PRMT3: variants seen among roughly 807,000 people sequenced by gnomAD.
PRMT3 encodes protein arginine N-methyltransferase 3.
PRMT3 carries 62 observed loss-of-function variants against 71.9 expected under a neutral mutation model. The ratio of observed to expected loss-of-function variants is 0.86; its 90% CI spans 0.70 to 1.07. PRMT3 has a LOEUF of 1.07. PRMT3 is among the 50% of genes least tolerant of loss of function. The pLI is 0.00. For synonymous variants in PRMT3, 213 were observed against 220.4 expected, an observed-to-expected ratio of 0.97 and a Z score of 0.30; for missense variants, 663 against 643.0, an observed-to-expected ratio of 1.03 and a Z score of -0.34.
chr11:20,432,188 A>T (rs77000069), intron 10 of PRMT3, among the ~76,000 whole-genome samples: 4,724 of 152,230 alleles, frequency 0.031, 246 homozygotes, highest in African/African-American at 0.11. Flanking sequence ...GTTATTCAGG[A>T]ACATGAATCA....
intron 7 of PRMT3, among the ~76,000 whole-genome samples, chr11:20,402,079 TA>T (rs1266120531): frequency 6.6e-6 from 1 of 152,146 alleles, no homozygotes; most frequent in African/African-American, 2.4e-5. Flanking sequence ...CTGCAATGTT[TA>T]CATTTATTTA....
rs1184403705 is a variant in PRMT3 at position 20,506,841 on chromosome 11, TAAAATAAATGAA to T, written c.1487-1459_1487-1448del. Among the ~76,000 whole-genome samples, 26 of 152,304 alleles carry T rather than the reference TAAAATAAATGAA, an allele frequency of 1.7e-4. No individual in the cohort carries two copies. In the East Asian group the frequency reaches 5.0e-3, roughly 29 times the overall value. ...ATTTGTTACTTTTTAAACAGCTCTTTAAAATAAATGAAAAATTAAATGAGAAGTATTTATAAT... is the reference window on the plus strand; with the variant it reads ...ATTTGTTACTTTTTAAACAGCTCTTTAAATTAAATGAGAAGTATTTATAAT... On this transcript the variant is annotated intron_variant, in intron 15 of 15. Transcript: ENST00000331079.
chr11:20,471,218 A>G (rs1202334435), intron 13 of PRMT3, among the ~76,000 whole-genome samples: 1 of 151,996 alleles, frequency 6.6e-6, no homozygotes. Context: ...CTCTTTGTTT[A>G]ATTAGACCCC....
intron 9 of PRMT3, among the ~76,000 whole-genome samples, chr11:20,413,928 A>G (rs1213639538): frequency 1.3e-5 from 2 of 152,126 alleles, no homozygotes; most frequent in Non-Finnish European, 2.9e-5. Flanking sequence ...TCAGAAGTCT[A>G]TATACAGCAG....
Position 20,412,056 on chromosome 11 carries a change from CTTA to C in PRMT3, c.893+4032_893+4034del, listed in dbSNP as rs1003444409. Among the ~76,000 whole-genome samples the C allele has an allele frequency of 2.6e-5, 4 of 152,158 alleles. No homozygotes were observed. The South Asian group carries it at 8.3e-4, about 32-fold the overall frequency. ...GTATTTAAAGGACTAAAGAAGCAGA[CTTA>C]TTATTATCTCACAGTTTTTAGTACT... On this transcript the variant is annotated intron_variant, in intron 9 of 15. Coordinates refer to ENST00000331079, the MANE Select transcript of PRMT3 (RefSeq NM_005788.4).
chr11:20,467,414 T>C (rs757140583), intron 13 of PRMT3, among the ~76,000 whole-genome samples: 10 of 152,192 alleles, frequency 6.6e-5, no homozygotes, highest in Non-Finnish European at 1.5e-4. Flanking sequence ...AAAATCTCCT[T>C]ACTCTTTCCT....
chr11:20,424,885 T>C (rs1590054659), intron 9 of PRMT3, among the ~76,000 whole-genome samples: 2 of 151,552 alleles, frequency 1.3e-5, no homozygotes, highest in African/African-American at 2.4e-5. Flanking sequence ...CTTTGGGAGG[T>C]TGAGGTAGGT....
At chr11:20,422,781 G>T (rs1273914779) in intron 9 of PRMT3, among the ~76,000 whole-genome samples, 1 of 152,140 alleles carries the variant, frequency 6.6e-6, no homozygotes, top group Non-Finnish European at 1.5e-5. Context: ...TCAGACACAC[G>T]TGAACCTAAT....
chr11:20,479,400 T>G (rs1230784081), intron 13 of PRMT3, among the ~76,000 whole-genome samples: 1 of 152,166 alleles, frequency 6.6e-6, no homozygotes, highest in Non-Finnish European at 1.5e-5. Context: ...TTCACCCTAT[T>G]TGCATCACTA....
At position 20,508,547 on chromosome 11, in the gene PRMT3, A is replaced by G. The variant is rs774602023; in HGVS notation, c.*134A>G. 1.4e-6 allele frequency: 1 copy of G among 721,738 alleles called. No homozygotes were observed. Among genetic ancestry groups the G allele is most frequent in the Non-Finnish European group, 2.5e-6 (1 of 393,136 alleles). The allele number at this position is 721,738 out of a possible 1,614,324, so 44.7% of individuals were successfully genotyped here. ...CTAATGAGCCTCCTCAATAAGAGAG[A>G]AGTTCTCATTGTGGGAATCTGACAT... On this transcript the variant is annotated 3_prime_UTR_variant, in exon 16 of 16. Coordinates refer to ENST00000331079, the MANE Select transcript of PRMT3 (RefSeq NM_005788.4).
chr11:20,459,590 C>G (rs899872668), intron 11 of PRMT3, among the ~76,000 whole-genome samples: 3 of 152,154 alleles, frequency 2.0e-5, no homozygotes, highest in Non-Finnish European at 4.4e-5. Flanking sequence ...CTGGTAATTT[C>G]ACAAAAAATG....
At chr11:20,473,634 C>A (rs931239401) in intron 13 of PRMT3, among the ~76,000 whole-genome samples, 1 of 152,094 alleles carries the variant, frequency 6.6e-6, no homozygotes, top group Non-Finnish European at 1.5e-5. Context: ...GTTAACAGCT[C>A]CTGTAATGTT....
Position 20,395,744 on chromosome 11 carries a change from T to C in PRMT3, c.401-59T>C. The stretch of plus-strand genomic sequence containing the variant: ...TTAGGGCGTATTTATTCCTAACATA[T>C]TTATACTTGTTTTATTGTTATAAGA... On this transcript the variant is annotated intron_variant, in intron 5 of 15. Transcript: ENST00000331079. The C allele has an allele frequency of 2.0e-6, 3 of 1,512,600 alleles. No individual in the cohort carries two copies. In the South Asian group the frequency reaches 3.7e-5, roughly 19 times the overall value. The allele number at this position is 1,512,600 out of a possible 1,614,324, so 93.7% of individuals were successfully genotyped here.
intron 15 of PRMT3, among the ~76,000 whole-genome samples, chr11:20,505,884 C>A (rs1590119554): frequency 6.6e-6 from 1 of 150,966 alleles, no homozygotes. Context: ...AAAACAAAAC[C>A]CACGGGGCGG....
chr11:20,392,249 A>G lies in PRMT3; in HGVS notation c.286A>G (p.Ile96Val). The change falls in exon 4 of 16, where the codon ATT (isoleucine) becomes GTT (valine). Residue 96 changes from isoleucine to valine, a missense_variant. Physicochemically the swap from Ile to Val is conservative, Grantham distance 29. Coordinates refer to ENST00000331079, the MANE Select transcript of PRMT3 (RefSeq NM_005788.4). ...FYGYIKLINF[I>V]RLKNPTVEYM... The stretch of plus-strand genomic sequence containing the variant: ...TGGATACATTAAGCTAATAAATTTT[A>G]TTAGACTTAAGGTAAGTTGACAGCT... The G allele has an allele frequency of 6.4e-7, 1 of 1,561,256 alleles. No individual in the cohort carries two copies. The highest frequency in any genetic ancestry group is 8.7e-7 in the Non-Finnish European group (1 of 1,146,520).
chr11:20,393,375 A>G (rs977284922), intron 5 of PRMT3, among the ~76,000 whole-genome samples: 1 of 152,218 alleles, frequency 6.6e-6, no homozygotes, highest in Admixed American at 6.5e-5. Flanking sequence ...TGAACCTGGT[A>G]TACAGGTGAC....
intron 15 of PRMT3, among the ~76,000 whole-genome samples, chr11:20,503,991 T>TA (rs1851519719): frequency 6.6e-6 from 1 of 152,200 alleles, no homozygotes; most frequent in Non-Finnish European, 1.5e-5. Context: ...TTAACACTTA[T>TA]AAAAAAGATG....
chr11:20,493,976 A>G lies in PRMT3; in HGVS notation c.1398+7A>G, dbSNP rs1280962685. On this transcript the variant is annotated splice_region_variant and intron_variant, in intron 14 of 15. Transcript: ENST00000331079. ...GAAGAATTGCCACAACAGGGTAAGT[A>G]TCATGAATTATCTCATAAGAATTAA... 6.4e-7 allele frequency: 1 copy of G among 1,563,226 alleles called. No homozygotes were observed. Among genetic ancestry groups the G allele is most frequent in the Non-Finnish European group, 8.8e-7 (1 of 1,139,214 alleles).
At chr11:20,497,415 C>A (rs772522085) in intron 15 of PRMT3, among the ~76,000 whole-genome samples, 81 of 152,148 alleles carry the variant, frequency 5.3e-4, no homozygotes, top group Admixed American at 1.0e-3. Context: ...TATTAGAATC[C>A]CCTAAGAGAG....
Sources: gnomAD v4.1 joint callset for allele counts (sites outside exome capture counted in the v4.1 genomes callset) on GRCh38, gnomAD v4.1.1 for gene constraint, MANE v1.5 for transcripts, NCBI Gene and HGNC (gene_info 2026-07-23, HGNC 2026-07-21) for gene names.